UBE3B: variants seen among roughly 807,000 people sequenced by gnomAD.
UBE3B encodes the protein ubiquitin-protein ligase E3B.
In UBE3B, 80 loss-of-function variants were observed where a neutral mutation model predicts 132.3. The ratio of observed to expected loss-of-function variants is 0.60; its 90% CI spans 0.50 to 0.73. The LOEUF is 0.73. Ranked by LOEUF, UBE3B falls within the 30% of genes least tolerant of loss-of-function variation. The pLI, the probability that UBE3B is intolerant of heterozygous loss-of-function variation, is 0.00. For missense variants in UBE3B, 1,196 were observed against 1,362.5 expected, an observed-to-expected ratio of 0.88 and a Z score of 1.92; for synonymous variants, 487 against 520.4, an observed-to-expected ratio of 0.94 and a Z score of 0.87.
chr12:109,516,656 T>C (rs1261244989), intron 18 of UBE3B, 109 bp from the exon 19 acceptor site: 1 of 1,524,114 alleles, frequency 6.6e-7, no homozygotes, highest in Non-Finnish European at 8.8e-7. Context: ...AGGCATCCCA[T>C]TCTGCTTGCA....
At chr12:109,507,391 TATC>T (rs1452294798) in intron 14 of UBE3B, among the ~76,000 whole-genome samples, 170 bp from the exon 15 acceptor site, 3 of 152,254 alleles carry the variant, frequency 2.0e-5, no homozygotes, top group African/African-American at 7.2e-5. Context: ...TACTGGCTCT[TATC>T]ATTGTTACTC....
intron 9 of UBE3B, among the ~76,000 whole-genome samples, chr12:109,495,730 G>T (rs537724977): frequency 6.6e-6 from 1 of 152,214 alleles, no homozygotes; most frequent in Non-Finnish European, 1.5e-5. Flanking sequence ...CGAAATAAAG[G>T]GATGGGCTCT....
intron 6 of UBE3B, 51 bp downstream of exon 6, chr12:109,486,626 T>C (rs1402788191): frequency 7.2e-7 from 1 of 1,389,410 alleles, no homozygotes; most frequent in South Asian, 1.3e-5. Flanking sequence ...ACAGTACGTA[T>C]GTCATTTTCA....
the UBE3B span, among the ~76,000 whole-genome samples, chr12:109,545,331 C>T: frequency 4.6e-5 from 7 of 152,266 alleles, no homozygotes; most frequent in Non-Finnish European, 1.0e-4. Context: ...ACAGGGCCTC[C>T]TGTGCCCCAG....
intron 19 of UBE3B, chr12:109,517,951 A>T (rs1881266957): frequency 6.7e-6 from 3 of 447,928 alleles, no homozygotes; most frequent in African/African-American, 2.0e-5. Context: ...CTGGTGATCA[A>T]TGCCGAGAGC....
At chr12:109,498,447 C>T in intron 11 of UBE3B, 94 bp downstream of exon 11, 1 of 1,444,210 alleles carries the variant, frequency 6.9e-7, no homozygotes, top group South Asian at 1.3e-5. Context: ...TGGTTGTTTT[C>T]TGTAACAATT....
the UBE3B span, among the ~76,000 whole-genome samples, chr12:109,543,052 C>T: frequency 1.3e-5 from 2 of 152,360 alleles, no homozygotes; most frequent in South Asian, 2.1e-4. Flanking sequence ...AGGCTAGATA[C>T]CATGTGGCCA....
downstream of UBE3B, among the ~76,000 whole-genome samples, chr12:109,539,538 T>C (rs1434732093): frequency 6.6e-6 from 1 of 152,142 alleles, no homozygotes; most frequent in Non-Finnish European, 1.5e-5. Context: ...CAGTTTCCTC[T>C]TCCATGAAAC....
chr12:109,479,012 G>A (rs1188738601), intron 1 of UBE3B, among the ~76,000 whole-genome samples: 1 of 152,184 alleles, frequency 6.6e-6, no homozygotes, highest in Non-Finnish European at 1.5e-5. Context: ...TCTGAATCCT[G>A]CCTCTTAGTT....
intron 27 of UBE3B, 65 bp downstream of exon 27, chr12:109,533,623 A>G (rs751480328): frequency 4.1e-5 from 58 of 1,430,908 alleles, no homozygotes; most frequent in Non-Finnish European, 5.5e-5. Flanking sequence ...TGCTGTGCCC[A>G]CTGTGCAAGG....
chr12:109,516,986 C>T, intron 19 of UBE3B, 102 bp downstream of exon 19: 1 of 1,474,234 alleles, frequency 6.8e-7, no homozygotes, highest in South Asian at 1.4e-5. Flanking sequence ...TCCTGTTACT[C>T]CTTGATCTGA....
rs766744394 is a variant in UBE3B, at chr12:109,530,542, T to C, written c.2811-5T>C. On this transcript the variant is annotated splice_polypyrimidine_tract_variant and splice_region_variant and intron_variant, in intron 25 of 27. Transcript: ENST00000342494. ...TTGCTGAGCCCAGGTCTGTATTGCT[T>C]TCAGGAAGCACACAGTCTACTACGG... The C allele has an allele frequency of 6.2e-7, 1 of 1,613,776 alleles. No individual in the cohort carries two copies. Among genetic ancestry groups the C allele is most frequent in the African/African-American group, 1.3e-5 (1 of 74,910 alleles).
At chr12:109,511,945 A>G (rs534778978) in intron 18 of UBE3B, among the ~76,000 whole-genome samples, 4 of 152,186 alleles carry the variant, frequency 2.6e-5, no homozygotes, top group Non-Finnish European at 5.9e-5. Flanking sequence ...GAGGCCTCAG[A>G]GAATGGTCAC....
At chr12:109,508,484 G>A (rs1879959823) in intron 15 of UBE3B, 15 of 982,020 alleles carry the variant, frequency 1.5e-5, no homozygotes, top group Non-Finnish European at 1.5e-5. Context: ...TTAAGCTTAT[G>A]CATCTTGTGT....
At chr12:109,490,350 A>G (rs1877254965) in intron 8 of UBE3B, 1 of 1,458,122 alleles carries the variant, frequency 6.9e-7, no homozygotes, top group Non-Finnish European at 9.1e-7. Flanking sequence ...GTGTCCTCAA[A>G]CAGCCCTTTC....
At position 109,521,764 on chromosome 12, in the gene UBE3B, C is replaced by T. The variant is rs1881749908; in HGVS notation, c.2364+213C>T. Among the ~76,000 whole-genome samples the T allele has an allele frequency of 1.3e-5, 2 of 152,170 alleles. No individual in the cohort carries two copies. The highest frequency in any genetic ancestry group is 2.9e-5 in the Non-Finnish European group (2 of 68,020). Reference sequence around the variant, plus strand: ...TCCCATCGACAGCCCTGTGACGGGGCTGCCACTGTCCTGGCTATTTAAGGA... The same window carrying T: ...TCCCATCGACAGCCCTGTGACGGGGTTGCCACTGTCCTGGCTATTTAAGGA... On this transcript the variant is annotated intron_variant, in intron 21 of 27. Coordinates refer to ENST00000342494, the MANE Select transcript of UBE3B (RefSeq NM_130466.4). This position sits in a 1 kb window ranked among gnomAD's most constrained non-coding sequence, Gnocchi z 4.2.
intron 18 of UBE3B, among the ~76,000 whole-genome samples, chr12:109,514,060 G>A (rs1053449499): frequency 3.3e-5 from 5 of 152,164 alleles, no homozygotes; most frequent in Admixed American, 6.6e-5. Flanking sequence ...TGCCTTTCTT[G>A]TTTTCCTTAA....
In UBE3B at chr12:109,509,680, T is replaced by C. The variant is rs775428092; in HGVS notation, c.1707T>C (p.Ser569=). 1 of 1,610,144 alleles carries C rather than the reference T, an allele frequency of 6.2e-7. No individual in the cohort carries two copies. Among genetic ancestry groups the C allele is most frequent in the South Asian group, 1.1e-5 (1 of 89,850 alleles). Residue 569 remains serine (S), a synonymous_variant, in exon 16 of 28, where the codon TCT becomes TCC. Transcript: ENST00000342494. ...ELVTISSFLN[S]FVFKMIWDGI... is the part of the protein sequence containing the mutation. ...TCACTATCTCCTCTTTCCTGAATTC[T>C]TTTGTGTTTAAGATGATCTGGGATG...
chr12:109,494,411 C>G (rs961656735), intron 9 of UBE3B, among the ~76,000 whole-genome samples: 2 of 152,180 alleles, frequency 1.3e-5, no homozygotes, highest in Non-Finnish European at 2.9e-5. Flanking sequence ...GCCTAGTTTG[C>G]CCAGGCACTT....
Sources: gnomAD v4.1 joint callset for allele counts (sites outside exome capture counted in the v4.1 genomes callset) on GRCh38, gnomAD v4.1.1 for gene constraint, Gnocchi (gnomAD v3.1) non-coding constraint, MANE v1.5 for transcripts, NCBI Gene and HGNC (gene_info 2026-07-23, HGNC 2026-07-21) for gene names.